Variants in CEP192 observed in about 807,000 individuals in gnomAD.
The protein encoded by CEP192 is centrosomal protein of 192 kDa.
A neutral mutation model predicts 271.8 loss-of-function variants in CEP192; 151 were observed. The ratio of observed to expected loss-of-function variants is 0.56; its 90% CI spans 0.49 to 0.64. CEP192 has a LOEUF of 0.64. Ranked by LOEUF, CEP192 falls within the 30% of genes least tolerant of loss-of-function variation. The pLI is 0.00. For synonymous variants in CEP192, 995 were observed against 1,076.5 expected, an observed-to-expected ratio of 0.92 and a Z score of 1.48; for missense variants, 2,910 against 3,020.5, an observed-to-expected ratio of 0.96 and a Z score of 0.86.
At chr18:12,993,455 A>G (rs1412872500) in intron 1 of CEP192, among the ~76,000 whole-genome samples, 1 of 152,212 alleles carries the variant, frequency 6.6e-6, no homozygotes, top group African/African-American at 2.4e-5. Context: ...TAGTATTTAC[A>G]TATAACTGAT....
chr18:13,098,277 C>T (rs1254190159), intron 36 of CEP192, among the ~76,000 whole-genome samples: 3 of 151,174 alleles, frequency 2.0e-5, no homozygotes, highest in Non-Finnish European at 4.4e-5. Context: ...CGGGGGCTGA[C>T]CCCCCACCTC....
At chr18:13,082,857 A>T (rs2038695339) in intron 30 of CEP192, among the ~76,000 whole-genome samples, 1 of 151,988 alleles carries the variant, frequency 6.6e-6, no homozygotes, top group Admixed American at 6.6e-5. Context: ...TCTGTAAAGG[A>T]TTTTATTTCT....
chr18:13,100,401 G>A lies in CEP192; in HGVS notation c.6760G>A (p.Glu2254Lys). 1 of 1,614,006 alleles carries A rather than the reference G, an allele frequency of 6.2e-7. No homozygotes were observed. The highest frequency in any genetic ancestry group is 1.1e-5 in the South Asian group (1 of 91,076). Residue 2254 changes from glutamate (E) to lysine (K), a missense_variant, in exon 38 of 45, where the codon GAG becomes AAG. Transcript: ENST00000506447. ...KPFGILSPVS[E>K]PSVSHLVKPM... ...ATTTGGAATTCTTTCCCCAGTATCTGAGCCTTCAGTTAGTCATTTGGTCAA... is the reference window on the plus strand; with the variant it reads ...ATTTGGAATTCTTTCCCCAGTATCTAAGCCTTCAGTTAGTCATTTGGTCAA...
intron 4 of CEP192, among the ~76,000 whole-genome samples, chr18:13,010,937 C>G (rs2034311364): frequency 6.6e-6 from 1 of 151,734 alleles, no homozygotes; most frequent in Non-Finnish European, 1.5e-5. Context: ...AATTCAAAAC[C>G]ACAATGAGGC....
Position 13,117,632 on chromosome 18 carries a change from G to C in CEP192, c.7464G>C (p.Lys2488Asn). 1 of 1,612,638 alleles carries C rather than the reference G, an allele frequency of 6.2e-7. No individual in the cohort carries two copies. The highest frequency in any genetic ancestry group is 8.5e-7 in the Non-Finnish European group (1 of 1,178,752). The part of the protein sequence containing the change: ...PREPFYVKHS[K>N]YSLRAQHYIN... ...AGCCATTCTATGTCAAACATTCCAAGTACTCTTTGAGGTAAGTTTATCGCA... is the reference window on the plus strand; with the variant it reads ...AGCCATTCTATGTCAAACATTCCAACTACTCTTTGAGGTAAGTTTATCGCA... The change falls in exon 44 of 45, where the codon AAG becomes AAC. Residue 2488 changes from lysine to asparagine, a missense_variant. Coordinates refer to ENST00000506447, the MANE Select transcript of CEP192 (RefSeq NM_032142.4).
At chr18:13,032,938 G>C (rs1283310582) in intron 11 of CEP192, among the ~76,000 whole-genome samples, 1 of 152,204 alleles carries the variant, frequency 6.6e-6, no homozygotes, top group East Asian at 1.9e-4. Context: ...ACACTCTATA[G>C]TTCTATTTGT....
chr18:13,031,605 T>C (rs532747848), intron 11 of CEP192, among the ~76,000 whole-genome samples: 1 of 152,188 alleles, frequency 6.6e-6, no homozygotes, highest in East Asian at 2.0e-4. Flanking sequence ...ATCTACTGCT[T>C]GTGCTAAGCT....
rs367605409 is a variant in CEP192 at position 13,089,436 on chromosome 18, A to T, written c.5994-20A>T. 1.2e-5 allele frequency: 15 copies of T among 1,290,476 alleles called. No individual in the cohort carries two copies. The highest frequency in any genetic ancestry group is 4.7e-5 in the East Asian group (2 of 42,666). 79.9% of individuals were successfully genotyped at this position (1,290,476 alleles called of 1,614,324 possible). On this transcript the variant is annotated intron_variant, in intron 32 of 44. Transcript: ENST00000506447. ...ATATAACGTCACTTTTAAATAATAA[A>T]AAAAAATCTCTCCTGGCAGGGCCCT...
At chr18:13,116,077 G>A (rs566479633) in intron 42 of CEP192, among the ~76,000 whole-genome samples, 23 of 152,298 alleles carry the variant, frequency 1.5e-4, no homozygotes, top group Non-Finnish European at 2.8e-4. Flanking sequence ...GTACTGCAGC[G>A]TGACGGGGCC....
chr18:13,067,738 A>G, intron 21 of CEP192, 93 bp from the exon 22 acceptor site: 1 of 1,056,786 alleles, frequency 9.5e-7, no homozygotes, highest in Non-Finnish European at 1.4e-6. Flanking sequence ...GCTGACTCAT[A>G]ATTTGTGGCT....
At position 13,105,508 on chromosome 18, in the gene CEP192, A is replaced by G. The variant is rs549343555; in HGVS notation, c.7047+429A>G. 5.9e-5 allele frequency among the ~76,000 whole-genome samples: 9 copies of G among 152,306 alleles called. No homozygotes were observed. The East Asian group carries it at 9.6e-4, about 16-fold the overall frequency. ...TTTCTATACCTGACATATTCCCTTC[A>G]AATGTCTCCTAATAACACTAATCAC... On this transcript the variant is annotated intron_variant, in intron 40 of 44. Transcript: ENST00000506447.
chr18:13,036,324 CA>C (rs1406687577), intron 11 of CEP192, among the ~76,000 whole-genome samples: 2 of 152,144 alleles, frequency 1.3e-5, no homozygotes, highest in Non-Finnish European at 2.9e-5. Context: ...ATGTGGGACA[CA>C]GTCTAGGGTC....
intron 27 of CEP192, among the ~76,000 whole-genome samples, chr18:13,070,712 G>A (rs74728426): frequency 0.044 from 6,628 of 152,296 alleles, 218 homozygotes; most frequent in East Asian, 0.14. Flanking sequence ...GGAGAGTCAG[G>A]CCTGCACCAG....
chr18:13,052,897 GT>G, intron 17 of CEP192, 21 bp from the exon 18 acceptor site: 1 of 1,162,478 alleles, frequency 8.6e-7, no homozygotes, highest in African/African-American at 1.7e-5. Context: ...AACTCCAGGT[GT>G]GAGCTACTCT....
Position 13,095,560 on chromosome 18 carries a change from C to T in CEP192, c.6312C>T (p.Val2104=), listed in dbSNP as rs1298861274. 5 of 1,614,048 alleles carry T rather than the reference C, an allele frequency of 3.1e-6. No homozygotes were observed. The highest frequency in any genetic ancestry group is 3.4e-6 in the Non-Finnish European group (4 of 1,180,008). The part of the protein sequence containing the change: ...GGNVSLDVLP[V]KGPQGSPLLS... ...ACGTCTCTTTGGATGTTTTACCAGTCAAAGGTCCTCAGGGTTCTCCTCTTC... is the reference window on the plus strand; with the variant it reads ...ACGTCTCTTTGGATGTTTTACCAGTTAAAGGTCCTCAGGGTTCTCCTCTTC... The change falls in exon 35 of 45, where the codon GTC becomes GTT. Residue 2104 remains valine, a synonymous_variant. Coordinates refer to ENST00000506447, the MANE Select transcript of CEP192 (RefSeq NM_032142.4).
chr18:13,011,347 T>C (rs1367224664), intron 4 of CEP192, among the ~76,000 whole-genome samples: 35 of 151,842 alleles, frequency 2.3e-4, no homozygotes, highest in Non-Finnish European at 1.5e-5. Context: ...TATGGAGAAA[T>C]TGAAATCCTC....
Position 13,037,910 on chromosome 18 carries a change from T to A in CEP192, c.1600-460T>A, listed in dbSNP as rs191451903. Among the ~76,000 whole-genome samples the A allele has an allele frequency of 5.9e-3, 906 of 152,324 alleles. 9 individuals carry two copies. The highest frequency in any genetic ancestry group is 0.021 in the African/African-American group (871 of 41,564). ...AGTGAGGTAATCCTGTTTGTTTTTT[T>A]ATGAAGATTCTTATTTATGACAATC... On this transcript the variant is annotated intron_variant, in intron 12 of 44. Transcript: ENST00000506447.
chr18:13,077,246 A>C (rs1003279106), intron 30 of CEP192, among the ~76,000 whole-genome samples: 1 of 152,214 alleles, frequency 6.6e-6, no homozygotes, highest in East Asian at 1.9e-4. Flanking sequence ...TTTAGTACAG[A>C]TTGAGTATCC....
At chr18:13,047,045 C>T (rs1463822410) in intron 15 of CEP192, among the ~76,000 whole-genome samples, 2 of 151,796 alleles carry the variant, frequency 1.3e-5, no homozygotes, top group Non-Finnish European at 2.9e-5. Context: ...GGTTTTTATC[C>T]ATCTTACTGT....
Sources: gnomAD v4.1 joint callset for allele counts (sites outside exome capture counted in the v4.1 genomes callset) on GRCh38, gnomAD v4.1.1 for gene constraint, MANE v1.5 for transcripts, NCBI Gene and HGNC (gene_info 2026-07-23, HGNC 2026-07-21) for gene names.